The following ACSL3 variants were observed in gnomAD, a reference collection of about 807,000 sequenced individuals.
The protein encoded by ACSL3 is acyl-CoA synthetase long chain family member 3, also known as fatty acid CoA ligase Acsl3.
ACSL3 carries 34 observed loss-of-function variants against 84.7 expected under a neutral mutation model. The ratio of observed to expected loss-of-function variants is 0.40; its 90% CI spans 0.31 to 0.53. The LOEUF is 0.53. ACSL3 is among the 20% of genes least tolerant of loss of function. The pLI, the probability that ACSL3 is intolerant of heterozygous loss-of-function variation, is 0.48. For synonymous variants in ACSL3, 315 were observed against 299.4 expected (o/e 1.05, Z -0.54); for missense variants, 680 against 873.1 (o/e 0.78, Z 2.79).
intron 16 of ACSL3, among the ~76,000 whole-genome samples, chr2:222,940,425 T>C (rs1697272263): frequency 6.6e-6 from 1 of 151,888 alleles, no homozygotes; most frequent in Non-Finnish European, 1.5e-5. Context: ...TGTATCCTTC[T>C]CCTCACATCT....
At chr2:222,934,484 C>T (rs762891335) in intron 15 of ACSL3, 46 bp from the exon 16 acceptor site, 7 of 1,430,136 alleles carry the variant, frequency 4.9e-6, no homozygotes, top group Admixed American at 5.8e-5. Flanking sequence ...GCAGTCAACA[C>T]AGTTCACCAT....
chr2:222,906,944 A>G (rs1031657748), intron 3 of ACSL3, among the ~76,000 whole-genome samples: 2 of 152,212 alleles, frequency 1.3e-5, no homozygotes, highest in African/African-American at 4.8e-5. Context: ...GCCATTAGGC[A>G]TGAACTTTTC....
chr2:222,922,725 T>C lies in ACSL3; in HGVS notation c.974T>C (p.Ile325Thr), dbSNP rs1323122546. ...IPELGEEDVY[I>T]GYLPLAHVLE... ...TCTTTTAGAGAGGAAGATGTCTACATTGGATATTTGCCTCTGGCCCATGTT... is the reference window on the plus strand; with the variant it reads ...TCTTTTAGAGAGGAAGATGTCTACACTGGATATTTGCCTCTGGCCCATGTT... Residue 325 changes from isoleucine (I) to threonine (T), a missense_variant, in exon 9 of 17, where the codon ATT becomes ACT. By Grantham distance (89) the Ile-to-Thr change is moderately conservative. This residue lies in a region of ACSL3 where 347 missense variants were observed against 525.7 expected (regional missense o/e 0.66). Coordinates refer to ENST00000357430, the MANE Select transcript of ACSL3 (RefSeq NM_004457.5). 6.2e-7 allele frequency: 1 copy of C among 1,614,180 alleles called. No individual in the cohort carries two copies. The highest frequency in any genetic ancestry group is 1.1e-5 in the South Asian group (1 of 91,086).
chr2:222,862,659 A>G (rs1695042691), intron 1 of ACSL3, among the ~76,000 whole-genome samples: 2 of 152,056 alleles, frequency 1.3e-5, no homozygotes, highest in African/African-American at 2.4e-5. Flanking sequence ...TAAGCCTTCT[A>G]ATTGTCGCAT....
chr2:222,866,438 G>GC (rs1559273196), intron 1 of ACSL3, among the ~76,000 whole-genome samples: 1 of 152,040 alleles, frequency 6.6e-6, no homozygotes, highest in Non-Finnish European at 1.5e-5. Context: ...GAGCTACTGC[G>GC]CTGACTGCAA....
chr2:222,867,923 G>C (rs186701922), intron 1 of ACSL3, among the ~76,000 whole-genome samples: 1 of 149,882 alleles, frequency 6.7e-6, no homozygotes, highest in East Asian at 1.9e-4. Flanking sequence ...AAACTGTAAT[G>C]GGCACTTTTC....
intron 2 of ACSL3, among the ~76,000 whole-genome samples, chr2:222,899,809 A>G (rs1219100029): frequency 3.3e-5 from 5 of 152,172 alleles, no homozygotes; most frequent in Non-Finnish European, 5.9e-5. Context: ...GCAAAAATCA[A>G]TGTTATCTTT....
intron 1 of ACSL3, among the ~76,000 whole-genome samples, chr2:222,863,166 G>A (rs967863841): frequency 1.3e-5 from 2 of 152,194 alleles, no homozygotes; most frequent in African/African-American, 4.8e-5. Flanking sequence ...GAAGCAAATG[G>A]TCATACAAAC....
At chr2:222,939,159 T>C (rs577909274) in intron 16 of ACSL3, among the ~76,000 whole-genome samples, 34 of 152,302 alleles carry the variant, frequency 2.2e-4, no homozygotes, top group African/African-American at 7.0e-4. Flanking sequence ...TGATAGCCTG[T>C]GTTTTTCTAT....
chr2:222,890,625 G>A lies in ACSL3; in HGVS notation c.-148+2737G>A, dbSNP rs567029072. 1.4e-4 allele frequency among the ~76,000 whole-genome samples: 22 copies of A among 152,092 alleles called. No homozygotes were observed. The South Asian group carries it at 4.6e-3, about 32-fold the overall frequency. On this transcript the variant is annotated intron_variant, in intron 2 of 16. Transcript: ENST00000357430. ...TTTATTTCACCCTGGGGGAAAGAGA[G>A]GTGGGTAGATTTGTTTGTTTGTTTG...
intron 2 of ACSL3, among the ~76,000 whole-genome samples, 195 bp from the exon 3 acceptor site, chr2:222,900,479 G>A (rs1696111231): frequency 2.0e-5 from 3 of 152,068 alleles, no homozygotes; most frequent in Admixed American, 2.0e-4. Context: ...CACAGTTTGT[G>A]TATATTTGGA....
chr2:222,913,985 C>A (rs575905176), intron 4 of ACSL3, among the ~76,000 whole-genome samples: 1 of 152,172 alleles, frequency 6.6e-6, no homozygotes, highest in South Asian at 2.1e-4. Flanking sequence ...TACAACTATC[C>A]AGATCTCTTG....
At chr2:222,908,127 T>C (rs1051547861) in intron 3 of ACSL3, among the ~76,000 whole-genome samples, 4 of 152,250 alleles carry the variant, frequency 2.6e-5, no homozygotes. Context: ...CATAGTGGAT[T>C]TTCAATAAAT....
intron 11 of ACSL3, among the ~76,000 whole-genome samples, chr2:222,925,328 C>A (rs989411656): frequency 7.9e-6 from 1 of 127,278 alleles, no homozygotes. Flanking sequence ...TGACAGAGTG[C>A]GAGACTCTTG....
In ACSL3 at chr2:222,866,595, G is replaced by A. The variant is rs376974146; in HGVS notation, c.-207+5337G>A. ...CAGAGTCCCTGTTCTTAACCTGGGCGCTGCATCTCCTCTCTGGAGTGACAG... is the reference window on the plus strand; with the variant it reads ...CAGAGTCCCTGTTCTTAACCTGGGCACTGCATCTCCTCTCTGGAGTGACAG... On this transcript the variant is annotated intron_variant, in intron 1 of 16. Transcript: ENST00000357430. Among the ~76,000 whole-genome samples, 39 of 152,200 alleles carry A rather than the reference G, an allele frequency of 2.6e-4. No homozygotes were observed. In the East Asian group the frequency reaches 5.6e-3, roughly 22 times the overall value.
At chr2:222,906,989 T>C (rs1304315389) in intron 3 of ACSL3, among the ~76,000 whole-genome samples, 1 of 152,182 alleles carries the variant, frequency 6.6e-6, no homozygotes, top group Non-Finnish European at 1.5e-5. Context: ...GTCTTAGAAA[T>C]TGCTAAGGGG....
chr2:222,898,768 A>G (rs1378793220), intron 2 of ACSL3, among the ~76,000 whole-genome samples: 2 of 152,182 alleles, frequency 1.3e-5, no homozygotes, highest in Non-Finnish European at 2.9e-5. Context: ...CGGAGCTTGC[A>G]GTGAGCCGAG....
At chr2:222,884,531 G>A (rs1695673960) in intron 1 of ACSL3, among the ~76,000 whole-genome samples, 1 of 152,178 alleles carries the variant, frequency 6.6e-6, no homozygotes, top group Admixed American at 6.5e-5. Flanking sequence ...GTGGCTGCTG[G>A]CATTCCCTAT....
At chr2:222,919,443 T>G (rs1696673551) in intron 7 of ACSL3, 1 of 332,548 alleles carries the variant, frequency 3.0e-6, no homozygotes, top group Admixed American at 4.6e-5. Flanking sequence ...TAAAATATTT[T>G]ACATTCAGTT....
Sources: allele counts gnomAD v4.1 joint callset (sites outside exome capture counted in the v4.1 genomes callset), GRCh38; gene constraint gnomAD v4.1.1; regional missense constraint gnomAD v4.1.1; transcripts MANE v1.5; gene names NCBI Gene and HGNC (gene_info 2026-07-23, HGNC 2026-07-21).